FABP4: variants seen among roughly 807,000 people sequenced by gnomAD.
The protein encoded by FABP4 is fatty acid-binding protein, adipocyte.
In FABP4, 17 loss-of-function variants were observed where a neutral mutation model predicts 14.6. That is an observed-to-expected ratio of 1.16 (90% CI 0.80 to 1.74). FABP4 has a LOEUF of 1.74. Among genes scored for constraint, FABP4 ranks in the 40% most tolerant of loss-of-function variants. FABP4 has a pLI of 0.00. For missense variants in FABP4, 149 were observed against 160.3 expected (o/e 0.93, Z 0.38); for synonymous variants, 54 against 54.6 (o/e 0.99, Z 0.05).
chr8:81,479,772 G>A (rs139933087), intron 2 of FABP4: 257 of 296,950 alleles, frequency 8.7e-4, no homozygotes, highest in African/African-American at 5.0e-3. Context: ...TTTACATTGC[G>A]ATGGTAGTAG....
intron 1 of FABP4, among the ~76,000 whole-genome samples, chr8:81,480,993 T>A (rs888308508): frequency 2.0e-5 from 3 of 152,170 alleles, no homozygotes; most frequent in Non-Finnish European, 4.4e-5. Flanking sequence ...ATAAAATACT[T>A]GAGGCTACTT....
intron 1 of FABP4, among the ~76,000 whole-genome samples, chr8:81,482,466 T>C (rs1157117046): frequency 1.3e-5 from 2 of 152,232 alleles, no homozygotes; most frequent in Admixed American, 1.3e-4. Flanking sequence ...GTATGTTATA[T>C]GCGTAACATT....
At chr8:81,480,961 C>T (rs1361248141) in intron 1 of FABP4, among the ~76,000 whole-genome samples, 3 of 152,006 alleles carry the variant, frequency 2.0e-5, no homozygotes, top group Non-Finnish European at 4.4e-5. Flanking sequence ...AAAATGTTAG[C>T]CACTGTTATT....
At position 81,478,929 on chromosome 8, in the gene FABP4, A is replaced by G; in HGVS notation, c.349-14T>C. On this transcript the variant is annotated splice_polypyrimidine_tract_variant and intron_variant, in intron 3 of 3. Coordinates refer to ENST00000256104, the MANE Select transcript of FABP4 (RefSeq NM_001442.3). ...CATGACGCATTCCTAGACACAAAAA[A>G]CAATTCTTGGTCAATCACTGGATTA... 6.2e-7 allele frequency: 1 copy of G among 1,610,548 alleles called. No homozygotes were observed. The highest frequency in any genetic ancestry group is 1.1e-5 in the South Asian group (1 of 90,882).
chr8:81,479,626 G>C, intron 2 of FABP4, 111 bp from the exon 3 acceptor site: 1 of 677,902 alleles, frequency 1.5e-6, no homozygotes. Flanking sequence ...AATTCTAAAT[G>C]ACAAGAATAT....
chr8:81,480,915 T>C (rs1299366497), intron 1 of FABP4, among the ~76,000 whole-genome samples: 1 of 152,120 alleles, frequency 6.6e-6, no homozygotes, highest in Non-Finnish European at 1.5e-5. Context: ...AACAAAAATA[T>C]GTATAAAGGT....
At chr8:81,480,300 G>A (rs1042088532) in intron 2 of FABP4, 126 bp downstream of exon 2, 3 of 865,370 alleles carry the variant, frequency 3.5e-6, no homozygotes. Context: ...CAGTTTAGAT[G>A]TAGGAGTTCA....
At chr8:81,482,968 C>T (rs1808102848) in intron 1 of FABP4, 127 bp downstream of exon 1, 1 of 631,522 alleles carries the variant, frequency 1.6e-6, no homozygotes, top group Non-Finnish European at 2.6e-6. Context: ...TGTGCAGCCT[C>T]TCTATAGAAA....
At chr8:81,480,922 A>G (rs1462090419) in intron 1 of FABP4, among the ~76,000 whole-genome samples, 2 of 152,172 alleles carry the variant, frequency 1.3e-5, no homozygotes, top group South Asian at 2.1e-4. Context: ...ATATGTATAA[A>G]GGTTAAGTGG....
chr8:81,478,770 A>C lies in FABP4; in HGVS notation c.*95T>G, dbSNP rs1303744832. 2.6e-6 allele frequency: 3 copies of C among 1,174,776 alleles called. No individual in the cohort carries two copies. The highest frequency in any genetic ancestry group is 2.4e-6 in the Non-Finnish European group (2 of 826,476). The allele number at this position is 1,174,776 out of a possible 1,614,324, so 72.8% of individuals were successfully genotyped here. A position where few individuals can be genotyped will look rare whatever the true frequency, so the allele number is the denominator to read the frequency against. ...TTGGGAGAAAATTAGTTGCTTGCTA[A>C]ATCATGGAAAACAACAATATCTTTT... is the stretch of plus-strand genomic sequence containing the variant. On this transcript the variant is annotated 3_prime_UTR_variant, in exon 4 of 4. Coordinates refer to ENST00000256104, the MANE Select transcript of FABP4 (RefSeq NM_001442.3).
chr8:81,480,375 T>A, intron 2 of FABP4, 51 bp downstream of exon 2: 1 of 1,532,402 alleles, frequency 6.5e-7, no homozygotes, highest in Non-Finnish European at 8.9e-7. Flanking sequence ...CTTATAGCAG[T>A]GGTGATTTAG....
chr8:81,480,284 G>A (rs1316666981), intron 2 of FABP4, 142 bp downstream of exon 2: 1 of 743,494 alleles, frequency 1.3e-6, no homozygotes, highest in Admixed American at 3.0e-5. Context: ...TATATCTAAG[G>A]AAACACAGTT....
chr8:81,483,161 C>G lies in FABP4; in HGVS notation c.7G>C (p.Asp3His). The G allele has an allele frequency of 6.2e-7, 1 of 1,609,464 alleles. No individual in the cohort carries two copies. ...AGTTTCCAGGTACCTACAAAAGCAT[C>G]ACACATTTTGTGAGTTTTCTAGGAT... MC[D>H]AFVGTWKLVS... The change falls in exon 1 of 4, where the codon GAT (aspartate) becomes CAT (histidine). Residue 3 changes from aspartate (D) to histidine (H), a missense_variant. Asp to His is a moderately conservative substitution (Grantham distance 81, BLOSUM62 -1). Coordinates refer to ENST00000256104, the MANE Select transcript of FABP4 (RefSeq NM_001442.3).
Position 81,478,920 on chromosome 8 carries a change from A to G in FABP4, c.349-5T>C, listed in dbSNP as rs1240462790. 2 of 1,612,062 alleles carry G rather than the reference A, an allele frequency of 1.2e-6. No individual in the cohort carries two copies. The highest frequency in any genetic ancestry group is 1.7e-6 in the Non-Finnish European group (2 of 1,178,824). On this transcript the variant is annotated splice_polypyrimidine_tract_variant and splice_region_variant and intron_variant, in intron 3 of 3. Coordinates refer to ENST00000256104, the MANE Select transcript of FABP4 (RefSeq NM_001442.3). ...GACGCCTTTCATGACGCATTCCTAG[A>G]CACAAAAAACAATTCTTGGTCAATC...
Position 81,483,148 on chromosome 8 carries a change from C to T in FABP4, c.20G>A (p.Gly7Asp), listed in dbSNP as rs1475223552. 1.9e-6 allele frequency: 3 copies of T among 1,610,390 alleles called. No homozygotes were observed. Among genetic ancestry groups the T allele is most frequent in the East Asian group, 4.5e-5 (2 of 44,798 alleles). Residue 7 changes from glycine (G) to aspartate (D), a missense_variant, in exon 1 of 4, where the codon GGT becomes GAT. Transcript: ENST00000256104. MCDAFV[G>D]TWKLVSSENF... is the part of the protein sequence containing the mutation. ...TTCACTGGAGACAAGTTTCCAGGTA[C>T]CTACAAAAGCATCACACATTTTGTG...
chr8:81,478,729 A>G lies in FABP4; in HGVS notation c.*136T>C, dbSNP rs1024422510. Reference sequence around the variant, plus strand: ...AAGTTTATTTAACCAACGTAACCATATTGAATAAAATCAGCTTGGGAGAAA... The same window carrying G: ...AAGTTTATTTAACCAACGTAACCATGTTGAATAAAATCAGCTTGGGAGAAA... On this transcript the variant is annotated 3_prime_UTR_variant, in exon 4 of 4. Transcript: ENST00000256104. 1.1e-5 allele frequency: 8 copies of G among 732,484 alleles called. No homozygotes were observed. In the African/African-American group the frequency reaches 1.4e-4, roughly 13 times the overall value. 45.4% of individuals were successfully genotyped at this position (732,484 alleles called of 1,614,324 possible).
chr8:81,481,462 G>A (rs2129799921), intron 1 of FABP4, among the ~76,000 whole-genome samples: 1 of 152,284 alleles, frequency 6.6e-6, no homozygotes, highest in East Asian at 1.9e-4. Context: ...GGTATGGAAT[G>A]AATAATTTAC....
intron 1 of FABP4, 127 bp from the exon 2 acceptor site, chr8:81,480,725 G>A (rs1044674364): frequency 1.4e-6 from 1 of 708,314 alleles, no homozygotes; most frequent in Non-Finnish European, 2.1e-6. Context: ...TTTCTTAAAG[G>A]CCTAATTTAA....
intron 1 of FABP4, among the ~76,000 whole-genome samples, chr8:81,481,730 T>C (rs1261740779): frequency 6.6e-6 from 1 of 152,182 alleles, no homozygotes; most frequent in African/African-American, 2.4e-5. Context: ...TTACAAAATA[T>C]AACATTAAAT....
Sources: allele counts gnomAD v4.1 joint callset (sites outside exome capture counted in the v4.1 genomes callset), GRCh38; gene constraint gnomAD v4.1.1; transcripts MANE v1.5; gene names NCBI Gene and HGNC (gene_info 2026-07-23, HGNC 2026-07-21).